Variants in FBXO34 observed in about 807,000 individuals in gnomAD.
The protein encoded by FBXO34 is F-box only protein 34.
A neutral mutation model predicts 24.5 loss-of-function variants in FBXO34; 12 were observed. That is an observed-to-expected ratio of 0.49 (90% CI 0.31 to 0.79). The LOEUF is 0.79. Ranked by LOEUF, FBXO34 falls within the 30% of genes least tolerant of loss-of-function variation. The pLI, the probability that FBXO34 is intolerant of heterozygous loss-of-function variation, is 0.04. For synonymous variants in FBXO34, 320 were observed against 311.9 expected, an observed-to-expected ratio of 1.03 and a Z score of -0.27; for missense variants, 823 against 857.7, an observed-to-expected ratio of 0.96 and a Z score of 0.51.
At chr14:55,422,002 TTAAAG>T in the FBXO34 span, among the ~76,000 whole-genome samples, 3 of 152,172 alleles carry the variant, frequency 2.0e-5, no homozygotes, top group Non-Finnish European at 2.9e-5. Flanking sequence ...AATATAAAAA[TTAAAG>T]TAATGAGGGG....
chr14:55,329,345 C>G lies in FBXO34; in HGVS notation c.-10-21036C>G, dbSNP rs115190481. Among the ~76,000 whole-genome samples, 1,141 of 152,066 alleles carry G rather than the reference C, an allele frequency of 7.5e-3. 17 individuals carry two copies. Among genetic ancestry groups the G allele is most frequent in the African/African-American group, 0.026 (1,075 of 41,478 alleles). ...GTTGGTAATGGATGAGATCAGACAT[C>G]TTTAGAAGGAACATACTGCAGTAAA... On this transcript the variant is annotated intron_variant, in intron 1 of 1. Coordinates refer to ENST00000313833, the MANE Select transcript of FBXO34 (RefSeq NM_017943.4).
At chr14:55,394,318 ATAATT>A in the FBXO34 span, among the ~76,000 whole-genome samples, 1 of 152,024 alleles carries the variant, frequency 6.6e-6, no homozygotes, top group Non-Finnish European at 1.5e-5. Flanking sequence ...TTTTTCCTTC[ATAATT>A]GAGATTTCAC....
chr14:55,389,267 G>A, the FBXO34 span, among the ~76,000 whole-genome samples: 60 of 152,212 alleles, frequency 3.9e-4, no homozygotes, highest in Non-Finnish European at 5.0e-4. Context: ...ACAGATGCCC[G>A]GTGGCAAAGC....
rs1395531518 is a variant in FBXO34, at chr14:55,351,861, T to G, written c.1471T>G (p.Leu491Val). ...GTTTTTTTTGCCACCTGGTCAGCACTTGTCAGACTATTCCCAGTTGAATGA... is the reference window on the plus strand; with the variant it reads ...GTTTTTTTTGCCACCTGGTCAGCACGTGTCAGACTATTCCCAGTTGAATGA... ...MLFFLPPGQH[L>V]SDYSQLNEST... Residue 491 changes from leucine to valine, a missense_variant, in exon 2 of 2, where the codon TTG (leucine) becomes GTG (valine). Around this residue, in one of 2 missense-constraint regions of FBXO34, gnomAD observed 693 missense variants for 659.1 expected, o/e 1.05. Coordinates refer to ENST00000313833, the MANE Select transcript of FBXO34 (RefSeq NM_017943.4). The G allele has an allele frequency of 6.2e-7, 1 of 1,614,182 alleles. No individual in the cohort carries two copies. Among genetic ancestry groups the G allele is most frequent in the Non-Finnish European group, 8.5e-7 (1 of 1,180,030 alleles).
the FBXO34 span, among the ~76,000 whole-genome samples, chr14:55,414,991 G>A: frequency 2.0e-5 from 3 of 152,204 alleles, no homozygotes; most frequent in African/African-American, 7.2e-5. Context: ...GTAAAGTCTT[G>A]TTTCAAGAAA....
downstream of FBXO34, among the ~76,000 whole-genome samples, chr14:55,365,049 T>A: frequency 8.1e-6 from 1 of 123,872 alleles, no homozygotes; most frequent in South Asian, 2.9e-4. Context: ...TGAAACCCCA[T>A]CTCTACTTTA....
intron 1 of FBXO34, chr14:55,282,558 C>T (rs1390127174): frequency 4.8e-6 from 1 of 209,126 alleles, no homozygotes; most frequent in Admixed American, 4.7e-5. Context: ...GTAAACAGTT[C>T]TATTGCCAGG....
intron 1 of FBXO34, among the ~76,000 whole-genome samples, chr14:55,272,959 T>G (rs1218688878): frequency 6.6e-6 from 1 of 152,230 alleles, no homozygotes; most frequent in Non-Finnish European, 1.5e-5. Context: ...TCAGAAGAGA[T>G]CTAACTGGAA....
chr14:55,277,823 G>A (rs1022685860), intron 1 of FBXO34, among the ~76,000 whole-genome samples: 2 of 152,200 alleles, frequency 1.3e-5, no homozygotes, highest in Admixed American at 6.5e-5. Flanking sequence ...CTACTAGGAA[G>A]ATGCTTCTTT....
At chr14:55,338,968 A>G (rs947249648) in intron 1 of FBXO34, among the ~76,000 whole-genome samples, 2 of 152,010 alleles carry the variant, frequency 1.3e-5, no homozygotes, top group East Asian at 1.9e-4. Flanking sequence ...CCAGTTCTCT[A>G]AGATACAAAA....
the FBXO34 span, among the ~76,000 whole-genome samples, chr14:55,404,125 T>C: frequency 1.4e-4 from 21 of 152,326 alleles, no homozygotes; most frequent in African/African-American, 4.8e-4. Context: ...AGTTCACAAA[T>C]ATCTATCCCA....
chr14:55,282,883 A>C (rs1480309190), intron 1 of FBXO34, among the ~76,000 whole-genome samples: 1 of 152,232 alleles, frequency 6.6e-6, no homozygotes, highest in African/African-American at 2.4e-5. Context: ...ATGAAATTTG[A>C]GTTTCGTAAG....
chr14:55,290,772 C>CT lies in FBXO34; in HGVS notation c.-11+19242dup, dbSNP rs1389971585. Among the ~76,000 whole-genome samples, 15 of 152,296 alleles carry CT rather than the reference C, an allele frequency of 9.8e-5. No homozygotes were observed. In the East Asian group the frequency reaches 2.7e-3, roughly 27 times the overall value. On this transcript the variant is annotated intron_variant, in intron 1 of 1. Transcript: ENST00000313833. ...GGTTGAGAAATGCAGTCTTTATTAT[C>CT]TTTTTTTCCCATTATAAACAATGCT...
At chr14:55,357,536 G>T (rs1428285199), downstream of FBXO34, among the ~76,000 whole-genome samples, 1 of 152,142 alleles carries the variant, frequency 6.6e-6, no homozygotes, top group African/African-American at 2.4e-5. Flanking sequence ...TGTTTATTAA[G>T]AAGTATGAAG....
At chr14:55,337,080 C>T (rs1883810445) in intron 1 of FBXO34, among the ~76,000 whole-genome samples, 1 of 151,416 alleles carries the variant, frequency 6.6e-6, no homozygotes, top group Non-Finnish European at 1.5e-5. Context: ...GACTCGAGAT[C>T]CTCTTGCCTT....
the FBXO34 span, among the ~76,000 whole-genome samples, chr14:55,435,569 C>G: frequency 6.6e-6 from 1 of 152,062 alleles, no homozygotes; most frequent in Non-Finnish European, 1.5e-5. Context: ...CCACCGTGCC[C>G]AGCCTAAGTG....
chr14:55,354,141 G>C (rs572835677), downstream of FBXO34, among the ~76,000 whole-genome samples: 1 of 152,214 alleles, frequency 6.6e-6, no homozygotes, highest in Non-Finnish European at 1.5e-5. Flanking sequence ...AGGCTCATCA[G>C]ATTTGTCTGT....
chr14:55,290,986 GT>G (rs564158406), intron 1 of FBXO34, among the ~76,000 whole-genome samples: 5 of 148,040 alleles, frequency 3.4e-5, no homozygotes, highest in South Asian at 2.1e-4. Flanking sequence ...TGCCCACCTA[GT>G]TTTTTTTTTG....
intron 1 of FBXO34, among the ~76,000 whole-genome samples, chr14:55,319,203 T>C (rs1353557651): frequency 6.6e-6 from 1 of 152,174 alleles, no homozygotes; most frequent in Non-Finnish European, 1.5e-5. Flanking sequence ...TAAAAGAAGA[T>C]TTTTGTGGTT....
Sources: allele counts gnomAD v4.1 joint callset (sites outside exome capture counted in the v4.1 genomes callset), GRCh38; gene constraint gnomAD v4.1.1; regional missense constraint gnomAD v4.1.1; transcripts MANE v1.5; gene names NCBI Gene and HGNC (gene_info 2026-07-23, HGNC 2026-07-21).